ZNF722: variants seen among roughly 807,000 people sequenced by gnomAD.
ZNF722 encodes zinc finger protein 479 pseudogene.
the ZNF722 span, among the ~76,000 whole-genome samples, chr7:64,001,198 A>G: frequency 6.6e-6 from 1 of 152,190 alleles, no homozygotes; most frequent in African/African-American, 2.4e-5. Context: ...GGTGGTAAGC[A>G]TAGTATCCAA....
chr7:63,999,265 C>T, the ZNF722 span, among the ~76,000 whole-genome samples: 2 of 152,098 alleles, frequency 1.3e-5, no homozygotes, highest in African/African-American at 2.4e-5. Flanking sequence ...GCACTCCCAG[C>T]GCCTCATCTC....
At chr7:64,001,154 T>C in the ZNF722 span, among the ~76,000 whole-genome samples, 1 of 152,154 alleles carries the variant, frequency 6.6e-6, no homozygotes, top group African/African-American at 2.4e-5. Flanking sequence ...AATCATATCA[T>C]GAAGTTTTTG....
At chr7:64,008,723 G>A in the ZNF722 span, among the ~76,000 whole-genome samples, 1 of 152,194 alleles carries the variant, frequency 6.6e-6, no homozygotes, top group South Asian at 2.1e-4. Context: ...TCTTGGCAAT[G>A]TGGGCTCTTT....
chr7:64,009,018 A>T, the ZNF722 span, among the ~76,000 whole-genome samples: 1 of 152,144 alleles, frequency 6.6e-6, no homozygotes, highest in East Asian at 1.9e-4. Context: ...TGTGAATGGA[A>T]GTTCACTCAT....
At chr7:64,013,042 A>G in the ZNF722 span, among the ~76,000 whole-genome samples, 1 of 152,116 alleles carries the variant, frequency 6.6e-6, no homozygotes, top group Non-Finnish European at 1.5e-5. Flanking sequence ...AGATGCTGGC[A>G]TATACTTCTT....
At chr7:64,000,828 A>T in the ZNF722 span, among the ~76,000 whole-genome samples, 2 of 151,786 alleles carry the variant, frequency 1.3e-5, no homozygotes, top group Non-Finnish European at 2.9e-5. Flanking sequence ...CCCAGGCTGG[A>T]GTGCATTGGT....
the ZNF722 span, among the ~76,000 whole-genome samples, chr7:64,002,630 A>T: frequency 6.6e-6 from 1 of 152,226 alleles, no homozygotes; most frequent in African/African-American, 2.4e-5. Flanking sequence ...AAATTATTCA[A>T]CACTTAGTAG....
the ZNF722 span, among the ~76,000 whole-genome samples, chr7:64,011,841 T>C: frequency 2.1e-4 from 32 of 152,286 alleles, no homozygotes; most frequent in Non-Finnish European, 4.6e-4. Context: ...TCCTACAGAG[T>C]ATTTTCCAGC....
the ZNF722 span, among the ~76,000 whole-genome samples, chr7:64,014,298 G>A: frequency 5.9e-5 from 9 of 151,482 alleles, no homozygotes; most frequent in Non-Finnish European, 1.2e-4. Context: ...AGCAAAATAC[G>A]GATTATCTTA....
the ZNF722 span, among the ~76,000 whole-genome samples, chr7:64,014,551 T>C: frequency 1.3e-5 from 2 of 152,168 alleles, no homozygotes; most frequent in African/African-American, 2.4e-5. Flanking sequence ...TCAGGATGTG[T>C]CTTGTCTGCA....
chr7:64,004,456 A>ATATATATATATATATATATATAT, the ZNF722 span, among the ~76,000 whole-genome samples: 1 of 140,226 alleles, frequency 7.1e-6, no homozygotes, highest in Non-Finnish European at 1.5e-5. Context: ...ATATATATAT[A>ATATATATATATATATATATATAT]AAATTAAATT....
At chr7:64,017,173 C>G in the ZNF722 span, among the ~76,000 whole-genome samples, 2 of 152,286 alleles carry the variant, frequency 1.3e-5, no homozygotes, top group African/African-American at 4.8e-5. Context: ...ATCATGAGAT[C>G]AGGAGTTCAA....
the ZNF722 span, chr7:64,015,935 G>T: frequency 7.3e-7 from 1 of 1,376,090 alleles, no homozygotes; most frequent in Non-Finnish European, 1.0e-6. Context: ...GCAAATTCTA[G>T]CCCTCAGGCC....
chr7:64,014,483 G>T, the ZNF722 span, among the ~76,000 whole-genome samples: 1 of 152,022 alleles, frequency 6.6e-6, no homozygotes, highest in Non-Finnish European at 1.5e-5. Flanking sequence ...CTCTTTTCTG[G>T]CATAGCCTGA....
the ZNF722 span, among the ~76,000 whole-genome samples, chr7:64,005,044 T>C: frequency 5.3e-5 from 8 of 152,136 alleles, no homozygotes; most frequent in Middle Eastern, 0.01. Flanking sequence ...AAAATAGACA[T>C]GTCCCGCACT....
chr7:64,006,476 CCTT>C, the ZNF722 span, among the ~76,000 whole-genome samples: 320 of 152,226 alleles, frequency 2.1e-3, no homozygotes, highest in African/African-American at 7.4e-3. Context: ...CATAGGGACA[CCTT>C]CTGCCCCATG....
chr7:64,000,435 C>CTTT, the ZNF722 span, among the ~76,000 whole-genome samples: 1 of 22,168 alleles, frequency 4.5e-5, no homozygotes, highest in Non-Finnish European at 1.1e-4. Context: ...CCATGCCCGG[C>CTTT]CTTTTTTTTT....
At chr7:64,004,396 G>A in the ZNF722 span, among the ~76,000 whole-genome samples, 17 of 110,500 alleles carry the variant, frequency 1.5e-4, no homozygotes, top group East Asian at 2.6e-4. Context: ...GTGACAGAGC[G>A]AGACTCTGTC....
At chr7:64,017,345 C>T in the ZNF722 span, among the ~76,000 whole-genome samples, 1 of 73,326 alleles carries the variant, frequency 1.4e-5, no homozygotes, top group Non-Finnish European at 3.6e-5. Context: ...CACAGAGCTG[C>T]TACACTGCAG....
Sources: gnomAD v4.1 joint callset for allele counts (sites outside exome capture counted in the v4.1 genomes callset) on GRCh38, gnomAD v4.1.1 for gene constraint, MANE v1.5 for transcripts, NCBI Gene and HGNC (gene_info 2026-07-23, HGNC 2026-07-21) for gene names.